Variants in NR5A2 observed in about 807,000 individuals in gnomAD.
NR5A2 encodes the protein CYP7A promoter-binding factor.
NR5A2 carries 26 observed loss-of-function variants against 62.7 expected under a neutral mutation model. The ratio of observed to expected loss-of-function variants is 0.41; its 90% confidence interval spans 0.30 to 0.58. The LOEUF is 0.58. Among genes scored for constraint, NR5A2 ranks in the 20% least tolerant of loss-of-function variants. The probability of loss-of-function intolerance (pLI) is 0.22; values close to 1 mark genes in which losing one functional copy is unlikely to be tolerated. For synonymous variants in NR5A2, 246 were observed against 241.7 expected (o/e 1.02, Z -0.16); for missense variants, 541 against 669.1 (o/e 0.81, Z 2.11).
chr1:200,079,214 T>TA (rs1179392979), intron 5 of NR5A2, among the ~76,000 whole-genome samples: 15 of 152,158 alleles, frequency 9.9e-5, no homozygotes, highest in Non-Finnish European at 1.5e-4. Context: ...CAGAGTTACT[T>TA]AGAGTGCTCC....
At chr1:200,150,267 A>T (rs1653006515) in intron 7 of NR5A2, among the ~76,000 whole-genome samples, 1 of 152,248 alleles carries the variant, frequency 6.6e-6, no homozygotes, top group Admixed American at 6.5e-5. Context: ...AGTGGAGGAA[A>T]TATGAAATTG....
intron 7 of NR5A2, among the ~76,000 whole-genome samples, chr1:200,152,779 A>G (rs571700466): frequency 1.3e-5 from 2 of 152,128 alleles, no homozygotes; most frequent in African/African-American, 4.8e-5. Flanking sequence ...TTTGCCTTTG[A>G]CATTCTAACA....
chr1:200,105,421 C>G (rs1665602083), intron 5 of NR5A2, among the ~76,000 whole-genome samples: 2 of 152,144 alleles, frequency 1.3e-5, no homozygotes, highest in African/African-American at 4.8e-5. Flanking sequence ...ATAAACTACT[C>G]CCGTTTTCCT....
intron 5 of NR5A2, among the ~76,000 whole-genome samples, chr1:200,084,161 A>G (rs1046434452): frequency 6.6e-6 from 1 of 152,054 alleles, no homozygotes; most frequent in Non-Finnish European, 1.5e-5. Context: ...CCTGCTTTTG[A>G]GGATCATATT....
At chr1:200,052,648 C>CTTTT (rs35092946) in intron 5 of NR5A2, among the ~76,000 whole-genome samples, 1 of 147,612 alleles carries the variant, frequency 6.8e-6, no homozygotes, top group Non-Finnish European at 1.5e-5. Flanking sequence ...TTCTCACTCT[C>CTTTT]TTTTTTTTTT....
chr1:200,048,348 C>A lies in NR5A2; in HGVS notation c.640C>A (p.Gln214Lys). 1 of 1,614,180 alleles carries A rather than the reference C, an allele frequency of 6.2e-7. No individual in the cohort carries two copies. Among genetic ancestry groups the A allele is most frequent in the Non-Finnish European group, 8.5e-7 (1 of 1,180,046 alleles). ...PSDLTISSAI[Q>K]NIHSASKGLP... The stretch of plus-strand genomic sequence containing the variant: ...TGACCTGACCATTTCCTCTGCAATT[C>A]AAAACATCCACTCTGCCTCCAAAGG... The change falls in exon 5 of 8, where the codon CAA (glutamine) becomes AAA (lysine). Residue 214 changes from glutamine to lysine, a missense_variant. Coordinates refer to ENST00000367362, the MANE Select transcript of NR5A2 (RefSeq NM_205860.3). The surrounding 1 kb of genome is among the most constrained non-coding windows in gnomAD (Gnocchi z 4.8).
chr1:200,108,064 T>C (rs1025766160), intron 5 of NR5A2, among the ~76,000 whole-genome samples: 8 of 143,778 alleles, frequency 5.6e-5, no homozygotes, highest in African/African-American at 1.6e-4. Context: ...CTTGATGAGA[T>C]GGCTCTAGAA....
In NR5A2 at chr1:200,053,332, CAG is replaced by C. The variant is rs565319505; in HGVS notation, c.1110+4516_1110+4517del. ...CTGAAACTTGTAGCTTTTGCAACAACAGATGTGCATCAAAAGATACTCATTGC... is the reference window on the plus strand; with the variant it reads ...CTGAAACTTGTAGCTTTTGCAACAACATGTGCATCAAAAGATACTCATTGC... On this transcript the variant is annotated intron_variant, in intron 5 of 7. Transcript: ENST00000367362. Among the ~76,000 whole-genome samples, 924 of 152,176 alleles carry C rather than the reference CAG, an allele frequency of 6.1e-3. 6 individuals carry two copies. The highest frequency in any genetic ancestry group is 9.9e-3 in the Non-Finnish European group (670 of 68,008).
intron 5 of NR5A2, among the ~76,000 whole-genome samples, chr1:200,052,166 A>T (rs1662665882): frequency 6.6e-6 from 1 of 152,194 alleles, no homozygotes; most frequent in South Asian, 2.1e-4. Context: ...TTTATCGGCC[A>T]TCCATTGGCG....
intron 5 of NR5A2, among the ~76,000 whole-genome samples, chr1:200,087,298 G>T (rs556133635): frequency 6.6e-6 from 1 of 151,994 alleles, no homozygotes; most frequent in African/African-American, 2.4e-5. Context: ...CTCAAGAAAG[G>T]TTTAAGTTTG....
chr1:200,042,891 C>T, intron 2 of NR5A2: 1 of 985,504 alleles, frequency 1.0e-6, no homozygotes, highest in Non-Finnish European at 1.2e-6. Flanking sequence ...AGGCGGTTAC[C>T]CGATCCCGGC....
intron 7 of NR5A2, among the ~76,000 whole-genome samples, chr1:200,172,643 A>T (rs1214422320): frequency 6.6e-6 from 1 of 152,240 alleles, no homozygotes; most frequent in Non-Finnish European, 1.5e-5. Flanking sequence ...AAATGTAAAC[A>T]CTGAAATCGT....
At chr1:200,098,476 C>G (rs1203104696) in intron 5 of NR5A2, among the ~76,000 whole-genome samples, 2 of 152,090 alleles carry the variant, frequency 1.3e-5, no homozygotes, top group African/African-American at 4.8e-5. Flanking sequence ...AAAAAAATAA[C>G]TTACAGAAAA....
chr1:200,121,849 A>G (rs925808143), intron 7 of NR5A2, among the ~76,000 whole-genome samples: 3 of 152,238 alleles, frequency 2.0e-5, no homozygotes, highest in African/African-American at 7.2e-5. Flanking sequence ...TTGTGAATTC[A>G]TATTCTAGGG....
chr1:200,153,089 G>A (rs553234644), intron 7 of NR5A2, among the ~76,000 whole-genome samples: 9 of 152,234 alleles, frequency 5.9e-5, no homozygotes, highest in South Asian at 2.1e-4. Context: ...TCTTGCTTTC[G>A]TTTATTCCTT....
At chr1:200,062,227 TTGTGTGTGTGTG>T (rs6143563) in intron 5 of NR5A2, among the ~76,000 whole-genome samples, 10 of 145,756 alleles carry the variant, frequency 6.9e-5, no homozygotes, top group East Asian at 2.1e-4. Flanking sequence ...CTGGCAGATT[TTGTGTGTGTGTG>T]TGTGTGTGTG....
Position 200,175,963 on chromosome 1 carries a change from G to T in NR5A2, c.*1753G>T, listed in dbSNP as rs1412346738. The stretch of plus-strand genomic sequence containing the variant: ...TAGACAATTATGATGCTAATTTATT[G>T]TTTCTTGGTTTCACCTTTGTATAAG... On this transcript the variant is annotated 3_prime_UTR_variant, in exon 8 of 8. Transcript: ENST00000367362. The T allele has an allele frequency of 6.6e-6, 1 of 152,404 alleles. No homozygotes were observed. The highest frequency in any genetic ancestry group is 1.5e-5 in the Non-Finnish European group (1 of 67,980). 9.4% of individuals were successfully genotyped at this position (152,404 alleles called of 1,614,324 possible).
At chr1:200,149,997 G>A (rs1319882936) in intron 7 of NR5A2, among the ~76,000 whole-genome samples, 1 of 152,090 alleles carries the variant, frequency 6.6e-6, no homozygotes, top group Non-Finnish European at 1.5e-5. Flanking sequence ...CTTATGTAAA[G>A]CGTATAACTC....
At chr1:200,106,064 C>T (rs201178546) in intron 5 of NR5A2, among the ~76,000 whole-genome samples, 60,918 of 147,188 alleles carry the variant, frequency 0.41, 12,932 homozygotes, top group East Asian at 0.68. Context: ...ATTCACTCTT[C>T]TTTTTTTTTT....
Sources: allele counts gnomAD v4.1 joint callset (sites outside exome capture counted in the v4.1 genomes callset), GRCh38; gene constraint gnomAD v4.1.1; non-coding constraint Gnocchi (gnomAD v3.1); transcripts MANE v1.5; gene names NCBI Gene and HGNC (gene_info 2026-07-23, HGNC 2026-07-21).